The following VCAN variants were observed in gnomAD, a reference collection of about 807,000 sequenced individuals.
VCAN encodes the protein versican core protein.
A neutral mutation model predicts 245.5 loss-of-function variants in VCAN; 44 were observed. The ratio of observed to expected loss-of-function variants is 0.18; its 90% CI spans 0.14 to 0.23. The LOEUF is 0.23. Among genes scored for constraint, VCAN ranks in the 10% least tolerant of loss-of-function variants. The pLI, the probability that VCAN is intolerant of heterozygous loss-of-function variation, is 1.00. For synonymous variants in VCAN, 1,413 were observed against 1,437.0 expected (o/e 0.98, Z 0.38); for missense variants, 3,793 against 4,057.9 (o/e 0.93, Z 1.77).
At chr5:83,545,503 C>T in intron 8 of VCAN, 34 bp from the exon 9 acceptor site, 1 of 1,572,760 alleles carries the variant, frequency 6.4e-7, no homozygotes, top group Non-Finnish European at 8.8e-7. Flanking sequence ...AGAGACGAGC[C>T]TAACTGCTTT....
intron 13 of VCAN, among the ~76,000 whole-genome samples, chr5:83,574,986 A>C (rs940662391): frequency 6.6e-5 from 10 of 152,190 alleles, no homozygotes; most frequent in Admixed American, 6.6e-4. Context: ...CCTATTTGCA[A>C]TTAATAATGG....
rs369222046 is a variant in VCAN at position 83,538,598 on chromosome 5, A to G, written c.5595A>G (p.Glu1865=). 2 of 1,613,974 alleles carry G rather than the reference A, an allele frequency of 1.2e-6. No individual in the cohort carries two copies. The highest frequency in any genetic ancestry group is 1.3e-5 in the African/African-American group (1 of 74,930). ...AGTATGCAATTCAAGCCGAAAAGGAAGTAGCTGGCACTTTGTCTCCGCATG... is the reference window on the plus strand; with the variant it reads ...AGTATGCAATTCAAGCCGAAAAGGAGGTAGCTGGCACTTTGTCTCCGCATG... ...NVEYAIQAEK[E]VAGTLSPHVE... The change falls in exon 8 of 15, where the codon GAA becomes GAG. Residue 1865 remains glutamate, a synonymous_variant. Transcript: ENST00000265077.
chr5:83,555,988 A>G (rs1255683752), intron 12 of VCAN, among the ~76,000 whole-genome samples: 1 of 152,156 alleles, frequency 6.6e-6, no homozygotes, highest in Non-Finnish European at 1.5e-5. Flanking sequence ...ATTATCTGCC[A>G]CTTGTTTGGA....
At chr5:83,527,911 G>T (rs558107766) in intron 7 of VCAN, among the ~76,000 whole-genome samples, 14 of 152,312 alleles carry the variant, frequency 9.2e-5, no homozygotes, top group South Asian at 4.1e-4. Context: ...AGCTACCACT[G>T]AGGTAGAGGC....
At chr5:83,490,513 C>T (rs1380361837) in intron 3 of VCAN, 41 bp downstream of exon 3, 2 of 1,610,338 alleles carry the variant, frequency 1.2e-6, no homozygotes, top group Non-Finnish European at 1.7e-6. Context: ...TATAACATGA[C>T]ACCTGGTTCA....
intron 7 of VCAN, among the ~76,000 whole-genome samples, chr5:83,528,224 G>C (rs181566519): frequency 2.3e-3 from 352 of 152,246 alleles, no homozygotes; most frequent in Admixed American, 4.1e-3. Flanking sequence ...GAAAAAGAAG[G>C]AATCAAGAAA....
intron 5 of VCAN, among the ~76,000 whole-genome samples, chr5:83,498,832 T>A (rs1048046084): frequency 6.6e-6 from 1 of 152,214 alleles, no homozygotes; most frequent in Non-Finnish European, 1.5e-5. Flanking sequence ...TCTGTTTTAC[T>A]ACCATCAAAA....
At chr5:83,536,922 G>T in intron 7 of VCAN, 85 bp from the exon 8 acceptor site, 1 of 1,155,114 alleles carries the variant, frequency 8.7e-7, no homozygotes, top group Non-Finnish European at 1.2e-6. Flanking sequence ...GTGTGTGTGG[G>T]TGTGACCAGC....
At chr5:83,508,049 C>G (rs1045636643) in intron 5 of VCAN, among the ~76,000 whole-genome samples, 2 of 152,196 alleles carry the variant, frequency 1.3e-5, no homozygotes, top group African/African-American at 4.8e-5. Flanking sequence ...GTAATGAGCT[C>G]TTTCCATGTT....
chr5:83,477,605 A>G (rs1349113946), intron 1 of VCAN, among the ~76,000 whole-genome samples: 1 of 152,242 alleles, frequency 6.6e-6, no homozygotes, highest in Non-Finnish European at 1.5e-5. Flanking sequence ...TAAGCAAAAC[A>G]TAAAACCCAG....
chr5:83,573,454 T>C (rs1481540016), intron 13 of VCAN, among the ~76,000 whole-genome samples: 1 of 152,042 alleles, frequency 6.6e-6, no homozygotes, highest in African/African-American at 2.4e-5. Context: ...TGTGAGTCCG[T>C]GTCCCAATCC....
At chr5:83,493,776 G>T (rs372246574) in intron 4 of VCAN, 28 bp from the exon 5 acceptor site, 1 of 1,614,016 alleles carries the variant, frequency 6.2e-7, no homozygotes, top group African/African-American at 1.3e-5. Context: ...AGAAGAAAGT[G>T]CCACTAACTA....
At position 83,490,373 on chromosome 5, in the gene VCAN, A is replaced by G; in HGVS notation, c.346A>G (p.Thr116Ala). The change falls in exon 3 of 15, where the codon ACT (threonine) becomes GCT (alanine). Residue 116 changes from threonine to alanine, a missense_variant. By Grantham distance (58) the Thr-to-Ala change is moderately conservative. Coordinates refer to ENST00000265077, the MANE Select transcript of VCAN (RefSeq NM_004385.5). ...HPEAVGDASL[T>A]VVKLLASDAG... ...CGAGGCTGTGGGCGATGCCTCCCTC[A>G]CTGTGGTCAAGCTGCTGGCAAGTGA... 6.2e-7 allele frequency: 1 copy of G among 1,614,176 alleles called. No homozygotes were observed. The highest frequency in any genetic ancestry group is 8.5e-7 in the Non-Finnish European group (1 of 1,180,036).
intron 13 of VCAN, among the ~76,000 whole-genome samples, chr5:83,574,818 G>A (rs1748415217): frequency 1.3e-5 from 2 of 152,082 alleles, no homozygotes; most frequent in South Asian, 2.1e-4. Context: ...ATAAGAACAT[G>A]TGTAATATAA....
At chr5:83,556,250 T>C (rs1561268005) in intron 12 of VCAN, among the ~76,000 whole-genome samples, 1 of 152,222 alleles carries the variant, frequency 6.6e-6, no homozygotes, top group Non-Finnish European at 1.5e-5. Flanking sequence ...GGTTGAGCTA[T>C]TTGCCTGGAA....
chr5:83,552,461 T>C (rs566861720), intron 10 of VCAN, among the ~76,000 whole-genome samples: 1 of 152,298 alleles, frequency 6.6e-6, no homozygotes, highest in South Asian at 2.1e-4. Flanking sequence ...GGATGAGCAA[T>C]TCTGTGGGAA....
At position 83,539,290 on chromosome 5, in the gene VCAN, A is replaced by C; in HGVS notation, c.6287A>C (p.Lys2096Thr). The change falls in exon 8 of 15, where the codon AAA becomes ACA. Residue 2096 changes from lysine to threonine, a missense_variant. By Grantham distance (78) the Lys-to-Thr change is moderately conservative (BLOSUM62 -1). This residue lies in a region of VCAN where 3,182 missense variants were observed against 3,250.3 expected (regional missense o/e 0.98). Coordinates refer to ENST00000265077, the MANE Select transcript of VCAN (RefSeq NM_004385.5). The part of the protein sequence containing the change: ...TNFPQTIEPA[K>T]LWSRQEVNPV... ...TTTCCCCAAACTATAGAGCCAGCCAAATTATGGTCTAGGCAAGAAGTCAAC... is the reference window on the plus strand; with the variant it reads ...TTTCCCCAAACTATAGAGCCAGCCACATTATGGTCTAGGCAAGAAGTCAAC... 6.2e-7 allele frequency: 1 copy of C among 1,614,074 alleles called. No homozygotes were observed.
At chr5:83,502,582 C>A (rs148692813) in intron 5 of VCAN, among the ~76,000 whole-genome samples, 49 of 152,310 alleles carry the variant, frequency 3.2e-4, no homozygotes, top group Middle Eastern at 3.4e-3. Context: ...TTCTGAAAAC[C>A]GTACAAATGT....
At chr5:83,477,181 C>G (rs1277276220) in intron 1 of VCAN, among the ~76,000 whole-genome samples, 1 of 151,852 alleles carries the variant, frequency 6.6e-6, no homozygotes, top group South Asian at 2.1e-4. Flanking sequence ...CTTTGAAAAA[C>G]TATACAAAAA....
Sources: allele counts gnomAD v4.1 joint callset (sites outside exome capture counted in the v4.1 genomes callset), GRCh38; gene constraint gnomAD v4.1.1; regional missense constraint gnomAD v4.1.1; transcripts MANE v1.5; gene names NCBI Gene and HGNC (gene_info 2026-07-23, HGNC 2026-07-21).